Variants in CFAP53 observed in about 807,000 individuals in gnomAD.
The protein encoded by CFAP53 is cilia and flagella associated protein 53.
In CFAP53, 62 loss-of-function variants were observed where a neutral mutation model predicts 59.7. That is an observed-to-expected ratio of 1.04 (90% CI 0.85 to 1.28). CFAP53 has a LOEUF of 1.28. CFAP53 is among the 50% of genes most tolerant of loss of function. CFAP53 has a pLI of 0.00. For synonymous variants in CFAP53, 218 were observed against 205.7 expected (o/e 1.06, Z -0.51); for missense variants, 629 against 615.6 (o/e 1.02, Z -0.23).
chr18:50,230,017 C>T (rs957604058), intron 7 of CFAP53, among the ~76,000 whole-genome samples: 1 of 152,148 alleles, frequency 6.6e-6, no homozygotes, highest in Non-Finnish European at 1.5e-5. Context: ...CTTGGCCTCC[C>T]AAAGTGGTGG....
rs375428455 is a variant in CFAP53 at position 50,262,022 on chromosome 18, C to G, written c.267G>C (p.Gly89=). The change falls in exon 2 of 8, where the codon GGG becomes GGC. Residue 89 remains glycine, a synonymous_variant. Coordinates refer to ENST00000398545, the MANE Select transcript of CFAP53 (RefSeq NM_145020.5). ...GTCTTTCTTCAATGTTAATGATAAA[C>G]CCTTGCACAGCATCCTTGATTCTTG... is the stretch of plus-strand genomic sequence containing the variant. ...VRARIKDAVQ[G]FIINIEERRN... 4 of 1,613,928 alleles carry G rather than the reference C, an allele frequency of 2.5e-6. No individual in the cohort carries two copies. In the African/African-American group the frequency reaches 4.0e-5, roughly 16 times the overall value.
intron 5 of CFAP53, among the ~76,000 whole-genome samples, chr18:50,245,906 C>T (rs2033739260): frequency 6.6e-6 from 1 of 151,820 alleles, no homozygotes; most frequent in Non-Finnish European, 1.5e-5. Context: ...GGTTGGAGTG[C>T]AATGGTGGAG....
intron 7 of CFAP53, among the ~76,000 whole-genome samples, chr18:50,235,534 T>C (rs940129463): frequency 1.4e-5 from 2 of 142,474 alleles, no homozygotes; most frequent in Non-Finnish European, 3.2e-5. Flanking sequence ...CGCCACTGCA[T>C]TCCAGCCTTG....
chr18:50,257,771 T>G (rs1193156799), intron 3 of CFAP53, among the ~76,000 whole-genome samples: 3 of 152,248 alleles, frequency 2.0e-5, no homozygotes, highest in African/African-American at 7.2e-5. Flanking sequence ...TGCTCATGCC[T>G]ATAATCCCAG....
chr18:50,239,565 G>A (rs1026560955), intron 6 of CFAP53, among the ~76,000 whole-genome samples: 4 of 152,148 alleles, frequency 2.6e-5, no homozygotes, highest in Non-Finnish European at 5.9e-5. Context: ...TATGTATGGA[G>A]ATGGTAATCT....
intron 7 of CFAP53, among the ~76,000 whole-genome samples, chr18:50,233,961 CAG>C (rs2033606553): frequency 6.6e-6 from 1 of 152,156 alleles, no homozygotes; most frequent in Admixed American, 6.5e-5. Flanking sequence ...GGGAAGGCAC[CAG>C]AGATGGCCTG....
At chr18:50,265,317 T>A (rs2033937161) in intron 1 of CFAP53, among the ~76,000 whole-genome samples, 1 of 152,056 alleles carries the variant, frequency 6.6e-6, no homozygotes. Flanking sequence ...TTATTCAGCA[T>A]CCCCAAGGGG....
At chr18:50,246,883 T>A (rs1419888625) in intron 5 of CFAP53, among the ~76,000 whole-genome samples, 1 of 150,508 alleles carries the variant, frequency 6.6e-6, no homozygotes, top group Non-Finnish European at 1.5e-5. Flanking sequence ...CCGTCTCTAC[T>A]AAAAATACAA....
At chr18:50,236,611 G>A (rs546499504) in intron 7 of CFAP53, among the ~76,000 whole-genome samples, 1 of 152,236 alleles carries the variant, frequency 6.6e-6, no homozygotes, top group Admixed American at 6.5e-5. Context: ...AAATCACATG[G>A]AGAGCCCACA....
Position 50,260,905 on chromosome 18 carries a change from A to T in CFAP53, c.473+159T>A, listed in dbSNP as rs192649114. Among the ~76,000 whole-genome samples the T allele has an allele frequency of 2.6e-5, 4 of 152,332 alleles. No individual in the cohort carries two copies. In the East Asian group the frequency reaches 7.7e-4, roughly 29 times the overall value. On this transcript the variant is annotated intron_variant, in intron 3 of 7. Transcript: ENST00000398545. The stretch of plus-strand genomic sequence containing the variant: ...ACATTAGAACATAGTTCTCAAGCAC[A>T]CACTGTATTATTCAATGATATGTAA...
In CFAP53 at chr18:50,241,632, T is replaced by C. The variant is rs186224007; in HGVS notation, c.1213+1268A>G. On this transcript the variant is annotated intron_variant, in intron 6 of 7. Coordinates refer to ENST00000398545, the MANE Select transcript of CFAP53 (RefSeq NM_145020.5). ...TGGGCCTCTGGGATGTCATCACATA[T>C]TGGCAGGACCATGATGGCGACCTCA... is the stretch of plus-strand genomic sequence containing the variant. 3.9e-5 allele frequency among the ~76,000 whole-genome samples: 6 copies of C among 152,176 alleles called. No homozygotes were observed. In the East Asian group the frequency reaches 1.2e-3, roughly 29 times the overall value.
At chr18:50,255,060 G>A (rs908439737) in intron 3 of CFAP53, among the ~76,000 whole-genome samples, 1 of 152,096 alleles carries the variant, frequency 6.6e-6, no homozygotes, top group South Asian at 2.1e-4. Flanking sequence ...GTAAGTGAAC[G>A]GTTTAACCAA....
At chr18:50,257,317 T>A (rs1164856576) in intron 3 of CFAP53, among the ~76,000 whole-genome samples, 1 of 152,132 alleles carries the variant, frequency 6.6e-6, no homozygotes, top group African/African-American at 2.4e-5. Flanking sequence ...AATTTCAAAG[T>A]AAGAAGTCAA....
In CFAP53 at chr18:50,227,726, G is replaced by T. The variant is rs1599109837; in HGVS notation, c.1317-117C>A. 11 of 757,220 alleles carry T rather than the reference G, an allele frequency of 1.5e-5. No homozygotes were observed. In the East Asian group the frequency reaches 2.1e-4, roughly 14 times the overall value. 46.9% of individuals were successfully genotyped at this position (757,220 alleles called of 1,614,324 possible). A position where few individuals can be genotyped will look rare whatever the true frequency, so the allele number is the denominator to read the frequency against. ...CAAATTAAATTCCCATTAAAATCAG[G>T]GTGAGTGGAGAAGAAATAGATGAAA... On this transcript the variant is annotated intron_variant, in intron 7 of 7. Transcript: ENST00000398545.
intron 7 of CFAP53, among the ~76,000 whole-genome samples, chr18:50,232,045 C>T (rs2144401327): frequency 6.6e-6 from 1 of 152,286 alleles, no homozygotes; most frequent in South Asian, 2.1e-4. Context: ...ATAGGTGGGA[C>T]ACCCCTTTAG....
chr18:50,233,204 C>A (rs981548357), intron 7 of CFAP53, among the ~76,000 whole-genome samples: 2 of 152,128 alleles, frequency 1.3e-5, no homozygotes, highest in African/African-American at 4.8e-5. Context: ...ATCGAAAACT[C>A]ATTTAAAGTT....
In CFAP53 at chr18:50,264,071, A is replaced by G. The variant is rs545092584; in HGVS notation, c.70-1852T>C. ...AGTGGCTGCATTTAAAAAAGTAAAA[A>G]GAAACAGGGGAAGTTAATTTTGATA... is the stretch of plus-strand genomic sequence containing the variant. On this transcript the variant is annotated intron_variant, in intron 1 of 7. Transcript: ENST00000398545. Among the ~76,000 whole-genome samples the G allele has an allele frequency of 2.6e-5, 4 of 152,342 alleles. No homozygotes were observed. The East Asian group carries it at 7.7e-4, about 29-fold the overall frequency.
At chr18:50,239,654 C>A (rs1599117406) in intron 6 of CFAP53, among the ~76,000 whole-genome samples, 1 of 152,046 alleles carries the variant, frequency 6.6e-6, no homozygotes, top group East Asian at 1.9e-4. Flanking sequence ...AAGTTACGGT[C>A]TGTTTTTATA....
chr18:50,264,100 T>C (rs564892145), intron 1 of CFAP53, among the ~76,000 whole-genome samples: 1 of 152,352 alleles, frequency 6.6e-6, no homozygotes, highest in African/African-American at 2.4e-5. Context: ...TTTGATAGTA[T>C]ATTTTATTTA....
Sources: gnomAD v4.1 joint callset for allele counts (sites outside exome capture counted in the v4.1 genomes callset) on GRCh38, gnomAD v4.1.1 for gene constraint, MANE v1.5 for transcripts, NCBI Gene and HGNC (gene_info 2026-07-23, HGNC 2026-07-21) for gene names.